NOS1AP: variants seen among roughly 807,000 people sequenced by gnomAD.
NOS1AP encodes the protein nitric oxide synthase 1 adaptor protein, also known as carboxyl-terminal PDZ ligand of neuronal nitric oxide synthase protein.
NOS1AP carries 21 observed loss-of-function variants against 56.2 expected under a neutral mutation model. The observed-to-expected ratio is 0.37, with a 90% confidence interval of 0.26 to 0.54. The LOEUF is 0.54. NOS1AP is among the 20% of genes least tolerant of loss of function. NOS1AP has a pLI of 0.84. For synonymous variants in NOS1AP, 270 were observed against 274.6 expected (o/e 0.98, Z 0.17); for missense variants, 522 against 657.8 (o/e 0.79, Z 2.26).
chr1:162,087,930 A>C (rs1692040140), intron 1 of NOS1AP, among the ~76,000 whole-genome samples: 1 of 152,152 alleles, frequency 6.6e-6, no homozygotes, highest in South Asian at 2.1e-4. Context: ...GGATTTATCC[A>C]TTATTTGTCT....
chr1:162,319,598 C>T (rs1052588135), intron 4 of NOS1AP, among the ~76,000 whole-genome samples: 3 of 152,106 alleles, frequency 2.0e-5, no homozygotes, highest in Non-Finnish European at 4.4e-5. Flanking sequence ...ATTGCAAGGG[C>T]TCTCCCTGCT....
In NOS1AP at chr1:162,122,178, C is replaced by T. The variant is rs147477398; in HGVS notation, c.106-32227C>T. On this transcript the variant is annotated intron_variant, in intron 1 of 9. Coordinates refer to ENST00000361897, the MANE Select transcript of NOS1AP (RefSeq NM_014697.3). ...AATGTAAATGATATAAAGCAAGACA[C>T]GTGATCTGTTGTTGAGGGAAACTTG... Among the ~76,000 whole-genome samples the T allele has an allele frequency of 6.4e-3, 973 of 152,322 alleles. 37 individuals carry two copies. Among genetic ancestry groups the T allele is most frequent in the Admixed American group, 0.045 (688 of 15,298 alleles).
intron 1 of NOS1AP, among the ~76,000 whole-genome samples, chr1:162,074,231 T>C (rs985458302): frequency 6.6e-6 from 1 of 152,200 alleles, no homozygotes; most frequent in African/African-American, 2.4e-5. Flanking sequence ...ATGATATTTA[T>C]TGAGCACTTA....
At chr1:162,208,459 T>G (rs1353143244) in intron 2 of NOS1AP, among the ~76,000 whole-genome samples, 1 of 151,758 alleles carries the variant, frequency 6.6e-6, no homozygotes, top group East Asian at 1.9e-4. Context: ...TAGTTCATTT[T>G]AGCCACCATG....
At chr1:162,284,335 G>A (rs1571189489) in intron 2 of NOS1AP, among the ~76,000 whole-genome samples, 2 of 152,070 alleles carry the variant, frequency 1.3e-5, no homozygotes, top group East Asian at 3.9e-4. Context: ...TTTTTCTATT[G>A]GAAAGGGTAT....
At chr1:162,146,833 T>C (rs1478194053) in intron 1 of NOS1AP, among the ~76,000 whole-genome samples, 3 of 152,220 alleles carry the variant, frequency 2.0e-5, no homozygotes, top group Non-Finnish European at 4.4e-5. Flanking sequence ...TTAGTTACAA[T>C]TGATAAGCCA....
intron 2 of NOS1AP, among the ~76,000 whole-genome samples, chr1:162,170,109 G>A (rs536837305): frequency 3.3e-5 from 5 of 152,240 alleles, no homozygotes; most frequent in African/African-American, 9.6e-5. Flanking sequence ...TGTTATAATT[G>A]TTTTTATGAT....
At chr1:162,320,956 T>G (rs1453238307) in intron 4 of NOS1AP, among the ~76,000 whole-genome samples, 1 of 152,168 alleles carries the variant, frequency 6.6e-6, no homozygotes, top group Admixed American at 6.5e-5. Flanking sequence ...TTTTTAAGGT[T>G]TGCCAATGGC....
At chr1:162,126,520 C>CTT (rs57170830) in intron 1 of NOS1AP, among the ~76,000 whole-genome samples, 2 of 144,900 alleles carry the variant, frequency 1.4e-5, no homozygotes, top group African/African-American at 2.5e-5. Context: ...TTAAGGTATG[C>CTT]TTTTTTTTTT....
intron 2 of NOS1AP, among the ~76,000 whole-genome samples, chr1:162,176,939 T>C (rs2102140809): frequency 6.6e-6 from 1 of 152,378 alleles, no homozygotes. Context: ...CAGTCTTTTA[T>C]GTGCACATAA....
intron 2 of NOS1AP, among the ~76,000 whole-genome samples, chr1:162,248,249 C>T (rs1397898589): frequency 6.6e-6 from 1 of 152,114 alleles, no homozygotes; most frequent in Non-Finnish European, 1.5e-5. Context: ...ATTAAGTACA[C>T]TGGCAGTTAC....
At chr1:162,275,316 T>G (rs1654702258) in intron 2 of NOS1AP, among the ~76,000 whole-genome samples, 1 of 152,166 alleles carries the variant, frequency 6.6e-6, no homozygotes, top group Admixed American at 6.5e-5. Flanking sequence ...TAGCTGGGAC[T>G]ATAGGCATGC....
intron 4 of NOS1AP, among the ~76,000 whole-genome samples, chr1:162,315,075 C>T (rs929647441): frequency 6.6e-6 from 1 of 152,166 alleles, no homozygotes; most frequent in Non-Finnish European, 1.5e-5. Context: ...GAAGAGGATT[C>T]GCTTAGGAGG....
chr1:162,340,120 T>C (rs910367504), intron 5 of NOS1AP, among the ~76,000 whole-genome samples: 1 of 152,246 alleles, frequency 6.6e-6, no homozygotes, highest in African/African-American at 2.4e-5. Context: ...CTTGATTATG[T>C]GTTCCAGTGC....
rs549308770 is a variant in NOS1AP at position 162,257,300 on chromosome 1, C to T, written c.178-30044C>T. ...GGGCTTCTCTGTTCACATCTGTGAACAGAGATGTGATTTTTCTAGGAAGTG... is the reference window on the plus strand; with the variant it reads ...GGGCTTCTCTGTTCACATCTGTGAATAGAGATGTGATTTTTCTAGGAAGTG... On this transcript the variant is annotated intron_variant, in intron 2 of 9. Coordinates refer to ENST00000361897, the MANE Select transcript of NOS1AP (RefSeq NM_014697.3). Among the ~76,000 whole-genome samples the T allele has an allele frequency of 6.8e-4, 103 of 152,030 alleles. 1 individual carries two copies. In the Middle Eastern group the frequency reaches 0.014, roughly 20 times the overall value.
At chr1:162,321,304 G>T (rs1656405440) in intron 4 of NOS1AP, among the ~76,000 whole-genome samples, 1 of 152,094 alleles carries the variant, frequency 6.6e-6, no homozygotes, top group Non-Finnish European at 1.5e-5. Flanking sequence ...CAATAGCAAA[G>T]ACTTGGAACC....
At chr1:162,261,460 C>CGGGGGGGGGGG in intron 2 of NOS1AP, among the ~76,000 whole-genome samples, 1 of 11,148 alleles carries the variant, frequency 9.0e-5, no homozygotes, top group African/African-American at 2.7e-4. Flanking sequence ...AGAGAGGCAG[C>CGGGGGGGGGGG]GGGGAGTCAG....
intron 2 of NOS1AP, among the ~76,000 whole-genome samples, chr1:162,230,061 CTGAG>C (rs1182982846): frequency 6.6e-6 from 1 of 152,106 alleles, no homozygotes; most frequent in Non-Finnish European, 1.5e-5. Flanking sequence ...GTCCCTAGGG[CTGAG>C]TGAGAGTGTC....
At chr1:162,266,340 A>G (rs1322877699) in intron 2 of NOS1AP, among the ~76,000 whole-genome samples, 1 of 152,232 alleles carries the variant, frequency 6.6e-6, no homozygotes, top group Non-Finnish European at 1.5e-5. Context: ...GTAAAAGAGA[A>G]ATAGCAAAAT....
Sources: gnomAD v4.1 joint callset for allele counts (sites outside exome capture counted in the v4.1 genomes callset) on GRCh38, gnomAD v4.1.1 for gene constraint, MANE v1.5 for transcripts, NCBI Gene and HGNC (gene_info 2026-07-23, HGNC 2026-07-21) for gene names.